Variants in MICU3 observed in about 807,000 individuals in gnomAD.
The protein encoded by MICU3 is mitochondrial calcium uptake 3.
Under a neutral mutation model 66.5 loss-of-function variants are expected in MICU3, and 62 were observed. The ratio of observed to expected loss-of-function variants is 0.93; its 90% CI spans 0.76 to 1.15. The LOEUF is 1.15. Ranked by LOEUF, MICU3 falls within the 50% of genes most tolerant of loss-of-function variation. The pLI, the probability that MICU3 is intolerant of heterozygous loss-of-function variation, is 0.00. For missense variants in MICU3, 779 were observed against 664.4 expected, an observed-to-expected ratio of 1.17 and a Z score of -1.90; for synonymous variants, 308 against 240.7, an observed-to-expected ratio of 1.28 and a Z score of -2.59.
chr8:17,117,379 T>A (rs956641009), intron 13 of MICU3, among the ~76,000 whole-genome samples: 5 of 152,104 alleles, frequency 3.3e-5, no homozygotes, highest in East Asian at 1.9e-4. Flanking sequence ...AAGTTAAAAA[T>A]TTTTTTATCG....
intron 8 of MICU3, among the ~76,000 whole-genome samples, chr8:17,092,443 T>C (rs1194175434): frequency 6.6e-6 from 1 of 152,014 alleles, no homozygotes; most frequent in Non-Finnish European, 1.5e-5. Flanking sequence ...TTTATTTATA[T>C]TATGCCTGTT....
chr8:17,111,090 C>A (rs114739706), intron 11 of MICU3, among the ~76,000 whole-genome samples: 91 of 151,984 alleles, frequency 6.0e-4, no homozygotes, highest in African/African-American at 2.0e-3. Flanking sequence ...TTTGTATTTC[C>A]CCGGGGAGTA....
Position 17,122,089 on chromosome 8 carries a change from TTC to T in MICU3, c.*1804_*1805del, listed in dbSNP as rs1803235770. ...ATTAGCCCATTGAAATCCTTTATAA[TTC>T]TGTCATTTTCCCAAGGAAGAATAGC... On this transcript the variant is annotated 3_prime_UTR_variant, in exon 15 of 15. Coordinates refer to ENST00000318063, the MANE Select transcript of MICU3 (RefSeq NM_181723.3). 6.6e-6 allele frequency: 1 copy of T among 151,884 alleles called. No homozygotes were observed. The highest frequency in any genetic ancestry group is 6.6e-5 in the Admixed American group (1 of 15,244). The allele number at this position is 151,884 out of a possible 1,614,324, so 9.4% of individuals were successfully genotyped here. A position where few individuals can be genotyped will look rare whatever the true frequency, so the allele number is the denominator to read the frequency against.
At chr8:17,060,945 A>G in intron 1 of MICU3, among the ~76,000 whole-genome samples, 1 of 152,156 alleles carries the variant, frequency 6.6e-6, no homozygotes, top group Non-Finnish European at 1.5e-5. Context: ...AGCCAACAGG[A>G]GTGGATTCGT....
intron 3 of MICU3, among the ~76,000 whole-genome samples, chr8:17,070,066 C>T (rs1819319547): frequency 6.6e-6 from 1 of 151,928 alleles, no homozygotes; most frequent in East Asian, 1.9e-4. Context: ...AGTGCATGCG[C>T]ATGTACCTTG....
intron 1 of MICU3, among the ~76,000 whole-genome samples, chr8:17,058,125 C>G (rs546335338): frequency 1.3e-5 from 2 of 152,266 alleles, no homozygotes; most frequent in East Asian, 3.9e-4. Flanking sequence ...ACCCTATTGA[C>G]TTTTGACATA....
At chr8:17,092,273 C>T (rs1353953429) in intron 8 of MICU3, among the ~76,000 whole-genome samples, 1 of 151,846 alleles carries the variant, frequency 6.6e-6, no homozygotes, top group East Asian at 1.9e-4. Context: ...AAGCAGTTTT[C>T]ATATAGGGTC....
Position 17,122,220 on chromosome 8 carries a change from A to G in MICU3, c.*1933A>G, listed in dbSNP as rs1241317087. The G allele has an allele frequency of 2.6e-5, 4 of 151,854 alleles. No homozygotes were observed. The highest frequency in any genetic ancestry group is 9.7e-5 in the African/African-American group (4 of 41,438). The allele number at this position is 151,854 out of a possible 1,614,324, so 9.4% of individuals were successfully genotyped here. A position where few individuals can be genotyped will look rare whatever the true frequency, so the allele number is the denominator to read the frequency against. ...ATAATATTAAAATGTGAATAAATAA[A>G]TGTTCTGATAAAATAGAAAAGAAAG... is the stretch of plus-strand genomic sequence containing the variant. On this transcript the variant is annotated 3_prime_UTR_variant, in exon 15 of 15. Coordinates refer to ENST00000318063, the MANE Select transcript of MICU3 (RefSeq NM_181723.3).
At chr8:17,034,597 G>A (rs915967020) in intron 1 of MICU3, among the ~76,000 whole-genome samples, 2 of 152,222 alleles carry the variant, frequency 1.3e-5, no homozygotes, top group Non-Finnish European at 2.9e-5. Flanking sequence ...ATCAACATTA[G>A]TAGGAGTTTG....
chr8:17,034,486 T>A (rs376779745), intron 1 of MICU3, among the ~76,000 whole-genome samples: 2 of 152,232 alleles, frequency 1.3e-5, no homozygotes, highest in African/African-American at 4.8e-5. Flanking sequence ...TAGTGATTCC[T>A]CTGATGGATC....
intron 3 of MICU3, among the ~76,000 whole-genome samples, chr8:17,074,220 T>C (rs1820045633): frequency 6.6e-6 from 1 of 152,068 alleles, no homozygotes; most frequent in Non-Finnish European, 1.5e-5. Flanking sequence ...TGTTTGGTAA[T>C]GATGCCATTG....
At chr8:17,079,355 G>A (rs780138325) in intron 4 of MICU3, among the ~76,000 whole-genome samples, 91 of 152,120 alleles carry the variant, frequency 6.0e-4, no homozygotes, top group Non-Finnish European at 9.7e-4. Context: ...AGTACAATGC[G>A]TATCTGTATC....
At chr8:17,137,352 C>A in the MICU3 span, among the ~76,000 whole-genome samples, 1 of 151,558 alleles carries the variant, frequency 6.6e-6, no homozygotes, top group East Asian at 1.9e-4. Context: ...TTTTTTTCTC[C>A]CAGTGGCTGT....
intron 2 of MICU3, among the ~76,000 whole-genome samples, chr8:17,067,801 A>G (rs1344196875): frequency 2.6e-5 from 4 of 152,156 alleles, no homozygotes; most frequent in Admixed American, 1.3e-4. Flanking sequence ...GCTGTTTAAA[A>G]TCATAGCCAT....
In MICU3 at chr8:17,088,416, T is replaced by C. The variant is rs549923316; in HGVS notation, c.849+1381T>C. ...AGTATTAGCAAAGAAGACTAGAGAA[T>C]TGAATACTTTCTTAAATTTTATTTC... On this transcript the variant is annotated intron_variant, in intron 7 of 14. Transcript: ENST00000318063. Among the ~76,000 whole-genome samples the C allele has an allele frequency of 4.6e-5, 7 of 151,986 alleles. 1 individual carries two copies. The highest frequency in any genetic ancestry group is 3.9e-4 in the Admixed American group (6 of 15,242).
At chr8:17,112,773 C>T (rs79653955) in intron 11 of MICU3, among the ~76,000 whole-genome samples, 10,838 of 152,248 alleles carry the variant, frequency 0.071, 574 homozygotes, top group East Asian at 0.25. Context: ...TTTACTCCTA[C>T]TAACAGTAGC....
intron 1 of MICU3, among the ~76,000 whole-genome samples, chr8:17,063,250 G>A (rs2150627632): frequency 6.6e-6 from 1 of 152,076 alleles, no homozygotes; most frequent in Non-Finnish European, 1.5e-5. Context: ...AATATTTAGT[G>A]ACATAGAAAA....
chr8:17,079,477 T>C (rs1156788723), intron 4 of MICU3, among the ~76,000 whole-genome samples: 1 of 152,158 alleles, frequency 6.6e-6, no homozygotes, highest in Non-Finnish European at 1.5e-5. Context: ...AGCGATTAAG[T>C]GGCAGAGAAA....
intron 6 of MICU3, among the ~76,000 whole-genome samples, 167 bp downstream of exon 6, chr8:17,085,485 A>G (rs1164217401): frequency 1.3e-5 from 2 of 152,108 alleles, no homozygotes; most frequent in African/African-American, 4.8e-5. Context: ...CAATATTTAC[A>G]TTTTACAAAT....
Sources: gnomAD v4.1 joint callset for allele counts (sites outside exome capture counted in the v4.1 genomes callset) on GRCh38, gnomAD v4.1.1 for gene constraint, MANE v1.5 for transcripts, NCBI Gene and HGNC (gene_info 2026-07-23, HGNC 2026-07-21) for gene names.